The following ZSWIM6 variants were observed in gnomAD, a reference collection of about 807,000 sequenced individuals.
ZSWIM6 encodes the protein zinc finger SWIM domain-containing protein 6.
ZSWIM6 carries 9 observed loss-of-function variants against 113.2 expected under a neutral mutation model. The ratio of observed to expected loss-of-function variants is 0.08; its 90% CI spans 0.05 to 0.14. The LOEUF is 0.14. ZSWIM6 is among the 10% of genes least tolerant of loss of function. The pLI is 1.00. For synonymous variants in ZSWIM6, 611 were observed against 606.5 expected (o/e 1.01, Z -0.11); for missense variants, 1,162 against 1,552.2 (o/e 0.75, Z 4.22).
At chr5:61,399,114 G>A (rs959036875) in intron 1 of ZSWIM6, among the ~76,000 whole-genome samples, 2 of 151,166 alleles carry the variant, frequency 1.3e-5, no homozygotes, top group Non-Finnish European at 2.9e-5. Flanking sequence ...TAGTAGAGAC[G>A]GGGTTTCTCC....
chr5:61,527,121 A>G (rs1445121700), intron 7 of ZSWIM6, among the ~76,000 whole-genome samples: 1 of 152,228 alleles, frequency 6.6e-6, no homozygotes, highest in African/African-American at 2.4e-5. Context: ...TTAAATTTTG[A>G]ATAACTATTA....
intron 1 of ZSWIM6, among the ~76,000 whole-genome samples, chr5:61,440,091 CA>C (rs1746793508): frequency 6.6e-6 from 1 of 151,412 alleles, no homozygotes; most frequent in South Asian, 2.1e-4. Context: ...AACTATACCA[CA>C]GTTTTGTTTA....
chr5:61,491,804 T>C (rs947494139), intron 3 of ZSWIM6, among the ~76,000 whole-genome samples: 3 of 133,680 alleles, frequency 2.2e-5, no homozygotes, highest in African/African-American at 8.5e-5. Flanking sequence ...ATATTTGTTA[T>C]AATTAAAAGT....
intron 1 of ZSWIM6, among the ~76,000 whole-genome samples, chr5:61,380,501 GT>G (rs1373331920): frequency 3.3e-5 from 5 of 152,188 alleles, no homozygotes; most frequent in African/African-American, 1.2e-4. Flanking sequence ...TCCACTCATA[GT>G]TTTTAGGACT....
At chr5:61,386,330 C>G (rs940835379) in intron 1 of ZSWIM6, among the ~76,000 whole-genome samples, 4 of 152,222 alleles carry the variant, frequency 2.6e-5, no homozygotes, top group Non-Finnish European at 5.9e-5. Context: ...TTTTCTCTCT[C>G]TGTTTAAGCA....
chr5:61,529,093 C>T (rs945134176), intron 7 of ZSWIM6, among the ~76,000 whole-genome samples: 1 of 152,158 alleles, frequency 6.6e-6, no homozygotes, highest in Non-Finnish European at 1.5e-5. Context: ...CTGTAAATCC[C>T]AGCTACTTGG....
At chr5:61,362,130 C>T (rs1213915547) in intron 1 of ZSWIM6, among the ~76,000 whole-genome samples, 2 of 152,014 alleles carry the variant, frequency 1.3e-5, no homozygotes, top group African/African-American at 2.4e-5. Flanking sequence ...ACTTTATAAA[C>T]ATTCTCCAAC....
intron 1 of ZSWIM6, among the ~76,000 whole-genome samples, chr5:61,415,605 A>G (rs1019035292): frequency 1.4e-4 from 22 of 151,844 alleles, no homozygotes; most frequent in South Asian, 2.1e-4. Flanking sequence ...AAAAAAAAAA[A>G]ACGCTACTGA....
intron 11 of ZSWIM6, 105 bp downstream of exon 11, chr5:61,539,076 A>T (rs537266322): frequency 1.6e-6 from 2 of 1,288,382 alleles, no homozygotes; most frequent in South Asian, 3.9e-5. Context: ...TTAATGTCAG[A>T]TAGGTTGAAG....
At chr5:61,375,580 A>G in intron 1 of ZSWIM6, 4 of 1,527,912 alleles carry the variant, frequency 2.6e-6, no homozygotes, top group Non-Finnish European at 3.5e-6. Context: ...CAGTAAGGAT[A>G]GTTTAAAAAA....
chr5:61,408,908 G>A (rs1224424274), intron 1 of ZSWIM6, among the ~76,000 whole-genome samples: 1 of 152,172 alleles, frequency 6.6e-6, no homozygotes, highest in African/African-American at 2.4e-5. Flanking sequence ...GGGCGGGGTT[G>A]GGAGTCAGGA....
At chr5:61,391,125 G>A (rs1745699419) in intron 1 of ZSWIM6, 1 of 761,634 alleles carries the variant, frequency 1.3e-6, no homozygotes. Context: ...AGGCCACTTT[G>A]CACAGGCCTC....
rs757648079 is a variant in ZSWIM6 at position 61,332,494 on chromosome 5, C to G, written c.222C>G (p.Pro74=). 6.9e-5 allele frequency: 87 copies of G among 1,263,280 alleles called. 2 individuals carry two copies. The African/African-American group carries it at 9.0e-4, about 13-fold the overall frequency. 78.3% of individuals were successfully genotyped at this position (1,263,280 alleles called of 1,614,324 possible). The change falls in exon 1 of 14, where the codon CCC becomes CCG. Residue 74 remains proline (P), a synonymous_variant. Transcript: ENST00000252744. ...GLLPPGKTQS[P]ESLLDIAARR... ...TGCCGCCGGGCAAGACCCAGAGCCC[C>G]GAGTCGCTGCTGGACATCGCGGCGC... is the stretch of plus-strand genomic sequence containing the variant.
intron 1 of ZSWIM6, among the ~76,000 whole-genome samples, chr5:61,445,771 G>A (rs1380628563): frequency 6.6e-6 from 1 of 152,080 alleles, no homozygotes; most frequent in Non-Finnish European, 1.5e-5. Flanking sequence ...AAAATTGAAA[G>A]CAAAAGTAAA....
At chr5:61,439,580 A>G (rs1011226228) in intron 1 of ZSWIM6, among the ~76,000 whole-genome samples, 1 of 152,168 alleles carries the variant, frequency 6.6e-6, no homozygotes, top group Admixed American at 6.5e-5. Flanking sequence ...TCTGTGGTTC[A>G]TCTGTGTTGC....
chr5:61,368,056 G>T (rs1253140182), intron 1 of ZSWIM6, among the ~76,000 whole-genome samples: 4 of 152,128 alleles, frequency 2.6e-5, no homozygotes, highest in South Asian at 2.1e-4. Flanking sequence ...GATGCCAAAA[G>T]GTCGAGACTG....
chr5:61,333,009 G>GGGGGGGGGGC, intron 1 of ZSWIM6, 61 bp downstream of exon 1: 2 of 439,874 alleles, frequency 4.5e-6, no homozygotes, highest in Non-Finnish European at 6.4e-6. Context: ...TGGGGGGGGG[G>GGGGGGGGGGC]TGCCCGCCTT....
intron 1 of ZSWIM6, among the ~76,000 whole-genome samples, chr5:61,344,498 T>G (rs1358896735): frequency 2.0e-5 from 3 of 152,242 alleles, no homozygotes; most frequent in African/African-American, 7.2e-5. Context: ...TTCCCTCATT[T>G]TCTTTCTTCT....
intron 2 of ZSWIM6, among the ~76,000 whole-genome samples, chr5:61,477,410 C>CT (rs1287969717): frequency 6.6e-6 from 1 of 152,174 alleles, no homozygotes; most frequent in African/African-American, 2.4e-5. Context: ...CACATGACAT[C>CT]TAAGATCTCT....
Sources: gnomAD v4.1 joint callset for allele counts (sites outside exome capture counted in the v4.1 genomes callset) on GRCh38, gnomAD v4.1.1 for gene constraint, MANE v1.5 for transcripts, NCBI Gene and HGNC (gene_info 2026-07-23, HGNC 2026-07-21) for gene names.